The following DCDC2C variants were observed in gnomAD, a reference collection of about 807,000 sequenced individuals.
DCDC2C encodes the protein doublecortin domain containing 2C.
Under a neutral mutation model 45.0 loss-of-function variants are expected in DCDC2C, and 44 were observed. That is an observed-to-expected ratio of 0.98 (90% CI 0.77 to 1.26). DCDC2C has a LOEUF of 1.26. Ranked by LOEUF, DCDC2C falls within the 50% of genes most tolerant of loss-of-function variation. The pLI is 0.00. For synonymous variants in DCDC2C, 187 were observed against 178.8 expected (o/e 1.05, Z -0.37); for missense variants, 447 against 468.9 (o/e 0.95, Z 0.43).
intron 8 of DCDC2C, among the ~76,000 whole-genome samples, chr2:3,771,299 G>A (rs1572603588): frequency 6.6e-6 from 1 of 152,236 alleles, no homozygotes; most frequent in African/African-American, 2.4e-5. Context: ...TGCAGCAGGT[G>A]TTTCACAAAA....
intron 4 of DCDC2C, chr2:3,752,487 C>G: frequency 2.2e-6 from 1 of 456,598 alleles, no homozygotes; most frequent in Non-Finnish European, 4.1e-6. Context: ...GAACACTAAC[C>G]AAGAGTGTAA....
chr2:3,796,797 C>T (rs201256569), intron 10 of DCDC2C, among the ~76,000 whole-genome samples: 53,132 of 145,756 alleles, frequency 0.36, 10,305 homozygotes, highest in East Asian at 0.51. Context: ...ATTTTTGCAT[C>T]AATGTTCATC....
chr2:3,757,849 T>C (rs1175066434), intron 6 of DCDC2C, among the ~76,000 whole-genome samples: 1 of 152,176 alleles, frequency 6.6e-6, no homozygotes, highest in African/African-American at 2.4e-5. Flanking sequence ...GCCTCTCCTA[T>C]AAGCTGTTTA....
intron 10 of DCDC2C, among the ~76,000 whole-genome samples, chr2:3,829,684 T>C (rs1671907647): frequency 6.6e-6 from 1 of 152,190 alleles, no homozygotes; most frequent in Non-Finnish European, 1.5e-5. Context: ...GCTACAGAGA[T>C]TTACTCCCCT....
At chr2:3,844,875 G>T (rs77671529) in intron 10 of DCDC2C, among the ~76,000 whole-genome samples, 12,239 of 152,218 alleles carry the variant, frequency 0.08, 616 homozygotes, top group Admixed American at 0.14. Flanking sequence ...GAGTGACTTA[G>T]CCACTTTGCG....
chr2:3,724,771 T>C (rs187862968), intron 2 of DCDC2C, among the ~76,000 whole-genome samples: 5 of 152,294 alleles, frequency 3.3e-5, no homozygotes, highest in Admixed American at 1.3e-4. Context: ...TGTGTCTGAC[T>C]TGGGGAGCAG....
chr2:3,830,701 T>C (rs556722774), intron 10 of DCDC2C, among the ~76,000 whole-genome samples: 3 of 152,084 alleles, frequency 2.0e-5, no homozygotes, highest in Non-Finnish European at 4.4e-5. Flanking sequence ...TAGTGGTCCA[T>C]TTGGGCTCTG....
intron 3 of DCDC2C, among the ~76,000 whole-genome samples, chr2:3,730,902 G>T (rs1668849296): frequency 6.6e-6 from 1 of 152,236 alleles, no homozygotes. Context: ...TCTTGGGTGT[G>T]AGCCTTTGCT....
chr2:3,758,058 CATT>C (rs1286138093), intron 6 of DCDC2C, among the ~76,000 whole-genome samples: 5 of 152,188 alleles, frequency 3.3e-5, no homozygotes, highest in African/African-American at 1.2e-4. Context: ...ACTTGATACT[CATT>C]ACTACTGATG....
At chr2:3,828,141 T>C (rs1671871965) in intron 10 of DCDC2C, among the ~76,000 whole-genome samples, 1 of 152,228 alleles carries the variant, frequency 6.6e-6, no homozygotes, top group East Asian at 1.9e-4. Context: ...TTTAAAAATA[T>C]GTGTGGATTA....
chr2:3,845,035 G>A (rs1384161362), intron 10 of DCDC2C, among the ~76,000 whole-genome samples: 1 of 152,040 alleles, frequency 6.6e-6, no homozygotes, highest in Non-Finnish European at 1.5e-5. Flanking sequence ...GTATATATAT[G>A]CCTTCTATGT....
intron 3 of DCDC2C, among the ~76,000 whole-genome samples, chr2:3,738,111 A>G (rs1396314509): frequency 6.6e-5 from 10 of 152,240 alleles, no homozygotes; most frequent in Non-Finnish European, 1.5e-4. Flanking sequence ...AATACTGCTA[A>G]TTTGTTAGAA....
chr2:3,719,977 G>A (rs1668452695), intron 2 of DCDC2C, among the ~76,000 whole-genome samples: 1 of 152,228 alleles, frequency 6.6e-6, no homozygotes. Context: ...GGACGACCCA[G>A]CCCGTGTGCC....
At chr2:3,779,309 A>C (rs1254816731) in intron 9 of DCDC2C, among the ~76,000 whole-genome samples, 1 of 152,190 alleles carries the variant, frequency 6.6e-6, no homozygotes, top group Non-Finnish European at 1.5e-5. Flanking sequence ...GCCGGGGAGC[A>C]CGAGGGTGAG....
At chr2:3,846,250 C>T (rs1458365185) in intron 10 of DCDC2C, among the ~76,000 whole-genome samples, 1 of 151,696 alleles carries the variant, frequency 6.6e-6, no homozygotes, top group South Asian at 2.1e-4. Context: ...ACTCTTCCTC[C>T]CCCACTCCCT....
At chr2:3,797,404 T>C (rs1159755786) in intron 10 of DCDC2C, among the ~76,000 whole-genome samples, 6 of 151,962 alleles carry the variant, frequency 3.9e-5, no homozygotes, top group Non-Finnish European at 8.8e-5. Flanking sequence ...TTTCTTGCCT[T>C]CTTCTAGCTT....
At chr2:3,822,548 ATTT>A (rs34454006) in intron 10 of DCDC2C, among the ~76,000 whole-genome samples, 24 of 149,222 alleles carry the variant, frequency 1.6e-4, no homozygotes, top group African/African-American at 5.1e-4. Context: ...AATTTTGCTG[ATTT>A]TTTTTTTTCC....
chr2:3,730,947 C>T (rs948366002), intron 3 of DCDC2C, among the ~76,000 whole-genome samples: 19 of 152,186 alleles, frequency 1.2e-4, no homozygotes, highest in African/African-American at 3.1e-4. Flanking sequence ...TCTCGAGTGT[C>T]GTCTACAAAC....
intron 6 of DCDC2C, among the ~76,000 whole-genome samples, chr2:3,759,491 A>T (rs1370059563): frequency 6.6e-6 from 1 of 152,164 alleles, no homozygotes. Flanking sequence ...TGAGATGGAG[A>T]ATAACAGAGA....
Sources: gnomAD v4.1 joint callset for allele counts (sites outside exome capture counted in the v4.1 genomes callset) on GRCh38, gnomAD v4.1.1 for gene constraint, MANE v1.5 for transcripts, NCBI Gene and HGNC (gene_info 2026-07-23, HGNC 2026-07-21) for gene names.